TBC1D22A: variants seen among roughly 807,000 people sequenced by gnomAD.
TBC1D22A encodes TBC1 domain family member 22A, also known as putative GTPase activator.
A neutral mutation model predicts 60.2 loss-of-function variants in TBC1D22A; 38 were observed. The ratio of observed to expected loss-of-function variants is 0.63; its 90% CI spans 0.49 to 0.83. The LOEUF is 0.83. Among genes scored for constraint, TBC1D22A ranks in the 40% least tolerant of loss-of-function variants. The pLI is 0.00. For missense variants in TBC1D22A, 628 were observed against 701.0 expected, an observed-to-expected ratio of 0.90 and a Z score of 1.18; for synonymous variants, 302 against 281.7, an observed-to-expected ratio of 1.07 and a Z score of -0.72.
intron 11 of TBC1D22A, among the ~76,000 whole-genome samples, chr22:47,065,655 G>GCGGCACGAGGACTTAGC (rs57925231): frequency 1.9e-4 from 28 of 150,958 alleles, no homozygotes; most frequent in South Asian, 4.2e-4. Context: ...GGGTTGGATT[G>GCGGCACGAGGACTTAGC]AGGGAGACCT....
At chr22:47,005,706 A>G (rs1158259315) in intron 10 of TBC1D22A, among the ~76,000 whole-genome samples, 1 of 150,812 alleles carries the variant, frequency 6.6e-6, no homozygotes, top group African/African-American at 2.4e-5. Context: ...AGATACACCT[A>G]CATGCCTATA....
chr22:47,103,868 A>G (rs540800323), intron 11 of TBC1D22A, among the ~76,000 whole-genome samples: 1 of 152,294 alleles, frequency 6.6e-6, no homozygotes, highest in Admixed American at 6.5e-5. Flanking sequence ...AATTAACCGT[A>G]TATATCATGA....
chr22:47,148,774 C>G (rs973336304), intron 12 of TBC1D22A, among the ~76,000 whole-genome samples: 2 of 151,842 alleles, frequency 1.3e-5, no homozygotes, highest in Admixed American at 6.6e-5. Context: ...CCTGGGGTCC[C>G]TCTCTCCCCT....
intron 4 of TBC1D22A, 86 bp from the exon 5 acceptor site, chr22:46,878,567 A>T: frequency 1.8e-6 from 2 of 1,116,998 alleles, no homozygotes; most frequent in Non-Finnish European, 2.7e-6. Context: ...CCTCCTAATT[A>T]AACAGGTGGA....
chr22:46,808,129 G>A (rs935297385), intron 4 of TBC1D22A, among the ~76,000 whole-genome samples: 2 of 152,164 alleles, frequency 1.3e-5, no homozygotes, highest in Admixed American at 6.5e-5. Context: ...AGGCCGAGGC[G>A]GGTGGATCAC....
At chr22:46,799,764 A>G (rs5769164) in intron 4 of TBC1D22A, among the ~76,000 whole-genome samples, 85,372 of 152,058 alleles carry the variant, frequency 0.56, 24,431 homozygotes, top group Middle Eastern at 0.71. Context: ...TTTGCCCACA[A>G]TGAGATTCTG....
At chr22:47,124,278 G>A (rs2066374096) in intron 12 of TBC1D22A, among the ~76,000 whole-genome samples, 1 of 152,222 alleles carries the variant, frequency 6.6e-6, no homozygotes. Context: ...AGGGTTCAGA[G>A]GGAAGGGCGC....
chr22:46,825,622 C>T (rs1247837621), intron 4 of TBC1D22A, among the ~76,000 whole-genome samples: 3 of 152,134 alleles, frequency 2.0e-5, no homozygotes, highest in East Asian at 1.9e-4. Context: ...TACAAGCATA[C>T]ACCACCATGC....
In TBC1D22A at chr22:46,932,638, C is replaced by A. The variant is rs573018268; in HGVS notation, c.1015+20450C>A. ...CCTTGGGTGGGTGGCAAGGGGCGAT[C>A]GCGGTGGAGATGACTCCTTCTCACT... On this transcript the variant is annotated intron_variant, in intron 8 of 12. Transcript: ENST00000337137. Among the ~76,000 whole-genome samples the A allele has an allele frequency of 1.3e-4, 20 of 151,072 alleles. No homozygotes were observed. In the East Asian group the frequency reaches 3.9e-3, roughly 30 times the overall value.
intron 7 of TBC1D22A, among the ~76,000 whole-genome samples, chr22:46,900,412 G>C (rs1248233065): frequency 2.6e-5 from 4 of 152,080 alleles, no homozygotes; most frequent in African/African-American, 9.7e-5. Context: ...GGCCTCCCAA[G>C]GTGCTGGGAT....
At chr22:47,135,445 G>A (rs2066831715) in intron 12 of TBC1D22A, among the ~76,000 whole-genome samples, 4 of 152,216 alleles carry the variant, frequency 2.6e-5, no homozygotes, top group South Asian at 2.1e-4. Flanking sequence ...CACAGCCTGG[G>A]GTTCATGCGA....
At chr22:46,868,309 T>A (rs962514008) in intron 4 of TBC1D22A, among the ~76,000 whole-genome samples, 2 of 152,196 alleles carry the variant, frequency 1.3e-5, no homozygotes, top group African/African-American at 2.4e-5. Flanking sequence ...TGGTTCAGTA[T>A]ACACACATTT....
chr22:46,979,145 T>C (rs937696712), intron 9 of TBC1D22A, among the ~76,000 whole-genome samples: 3 of 152,188 alleles, frequency 2.0e-5, no homozygotes, highest in African/African-American at 7.2e-5. Context: ...TTGGAAAATA[T>C]TGGCTGACTG....
At chr22:46,915,159 G>C (rs1220872842) in intron 8 of TBC1D22A, 1 of 344,516 alleles carries the variant, frequency 2.9e-6, no homozygotes, top group Non-Finnish European at 5.7e-6. Context: ...CCCAGCCACT[G>C]TGCTCAGGTT....
intron 5 of TBC1D22A, among the ~76,000 whole-genome samples, chr22:46,885,061 G>T (rs1417969190): frequency 2.0e-5 from 3 of 152,234 alleles, no homozygotes. Context: ...TAGAGCCAGC[G>T]TGTGGAGAAA....
chr22:46,832,364 G>A (rs2086346900), intron 4 of TBC1D22A, among the ~76,000 whole-genome samples: 1 of 152,198 alleles, frequency 6.6e-6, no homozygotes, highest in East Asian at 1.9e-4. Context: ...AAATATGTTG[G>A]CTGGGGCCGG....
At chr22:47,172,111 C>A (rs1231349385) in intron 12 of TBC1D22A, among the ~76,000 whole-genome samples, 1 of 149,798 alleles carries the variant, frequency 6.7e-6, no homozygotes, top group Non-Finnish European at 1.5e-5. Flanking sequence ...TGTGTGCTCA[C>A]CCAGAGTGCC....
At chr22:47,170,490 C>T (rs1459374821) in intron 12 of TBC1D22A, among the ~76,000 whole-genome samples, 2 of 152,186 alleles carry the variant, frequency 1.3e-5, no homozygotes, top group Admixed American at 1.3e-4. Flanking sequence ...CAGTGAAATT[C>T]GCTCCCTGAA....
At chr22:46,775,494 T>G (rs2083666058) in intron 1 of TBC1D22A, among the ~76,000 whole-genome samples, 1 of 152,154 alleles carries the variant, frequency 6.6e-6, no homozygotes, top group South Asian at 2.1e-4. Context: ...CCTCTTCTGT[T>G]TTGAGACTGG....
Sources: gnomAD v4.1 joint callset for allele counts (sites outside exome capture counted in the v4.1 genomes callset) on GRCh38, gnomAD v4.1.1 for gene constraint, MANE v1.5 for transcripts, NCBI Gene and HGNC (gene_info 2026-07-23, HGNC 2026-07-21) for gene names.